Variants in SH3RF3 observed in about 807,000 individuals in gnomAD.
SH3RF3 encodes SH3 domain containing ring finger 3, also known as E3 ubiquitin-protein ligase SH3RF3.
A neutral mutation model predicts 66.3 loss-of-function variants in SH3RF3; 29 were observed. The ratio of observed to expected loss-of-function variants is 0.44; its 90% confidence interval spans 0.33 to 0.60. The LOEUF is 0.60. SH3RF3 is among the 20% of genes least tolerant of loss of function. The pLI, the probability that SH3RF3 is intolerant of heterozygous loss-of-function variation, is 0.04. For missense variants in SH3RF3, 1,194 were observed against 1,190.9 expected, an observed-to-expected ratio of 1.00 and a Z score of -0.04; for synonymous variants, 583 against 532.0, an observed-to-expected ratio of 1.10 and a Z score of -1.32.
chr2:109,151,091 A>G (rs950723231), intron 1 of SH3RF3, among the ~76,000 whole-genome samples: 6 of 152,224 alleles, frequency 3.9e-5, no homozygotes, highest in Non-Finnish European at 5.9e-5. Context: ...AGCCACACCA[A>G]TGTATTTGCC....
chr2:109,399,651 A>C (rs1008111379), intron 4 of SH3RF3, among the ~76,000 whole-genome samples: 14 of 152,340 alleles, frequency 9.2e-5, no homozygotes, highest in African/African-American at 3.1e-4. Flanking sequence ...ATGATTAAAA[A>C]AATTTTTAAA....
chr2:109,431,890 A>C (rs2104567318), intron 5 of SH3RF3, among the ~76,000 whole-genome samples: 1 of 152,168 alleles, frequency 6.6e-6, no homozygotes, highest in Non-Finnish European at 1.5e-5. Flanking sequence ...AAGGTCAAGT[A>C]ATTAACCATA....
chr2:109,181,393 G>A (rs150062864), intron 1 of SH3RF3, among the ~76,000 whole-genome samples: 7 of 152,258 alleles, frequency 4.6e-5, no homozygotes, highest in Non-Finnish European at 7.4e-5. Context: ...TGCCACTCAC[G>A]TCTTTTTTCT....
At chr2:109,367,934 T>C (rs1178680084) in intron 2 of SH3RF3, among the ~76,000 whole-genome samples, 2 of 152,230 alleles carry the variant, frequency 1.3e-5, no homozygotes, top group Non-Finnish European at 2.9e-5. Context: ...AAGTGCCTGT[T>C]CCATGCATAC....
Position 109,130,068 on chromosome 2 carries a change from C to T in SH3RF3, c.528C>T (p.Gly176=). 1 of 1,368,672 alleles carries T rather than the reference C, an allele frequency of 7.3e-7. No individual in the cohort carries two copies. The allele number at this position is 1,368,672 out of a possible 1,614,324, so 84.8% of individuals were successfully genotyped here. ...FLSAAAGSTA[G]SLRELATSRT... is the part of the protein sequence containing the mutation. ...CCGCGGCCGCGGGCAGCACCGCCGGCAGTCTGCGGGAGCTGGCGACCAGCA... is the reference window on the plus strand; with the variant it reads ...CCGCGGCCGCGGGCAGCACCGCCGGTAGTCTGCGGGAGCTGGCGACCAGCA... The change falls in exon 1 of 10, where the codon GGC becomes GGT. Residue 176 remains glycine (G), a synonymous_variant. Transcript: ENST00000309415.
intron 1 of SH3RF3, among the ~76,000 whole-genome samples, chr2:109,180,494 A>G (rs1225381215): frequency 2.0e-5 from 3 of 151,952 alleles, no homozygotes; most frequent in Non-Finnish European, 2.9e-5. Context: ...CCCCACCCAA[A>G]TCTCATCTTG....
At chr2:109,190,910 T>C (rs920454507) in intron 1 of SH3RF3, among the ~76,000 whole-genome samples, 15 of 151,594 alleles carry the variant, frequency 9.9e-5, no homozygotes, top group Non-Finnish European at 1.9e-4. Flanking sequence ...AAGAGTATTG[T>C]GATACTTTGC....
At chr2:109,346,732 A>G (rs1267745390) in intron 1 of SH3RF3, among the ~76,000 whole-genome samples, 1 of 152,182 alleles carries the variant, frequency 6.6e-6, no homozygotes, top group Admixed American at 6.5e-5. Context: ...GAAGCAGCTT[A>G]GAATCTTGTT....
intron 9 of SH3RF3, among the ~76,000 whole-genome samples, chr2:109,499,301 G>A (rs1235562781): frequency 6.6e-6 from 1 of 152,176 alleles, no homozygotes; most frequent in Admixed American, 6.5e-5. Context: ...GGCCCATCTC[G>A]GTGCTGCTCA....
At chr2:109,182,015 A>C (rs926103844) in intron 1 of SH3RF3, among the ~76,000 whole-genome samples, 1 of 152,124 alleles carries the variant, frequency 6.6e-6, no homozygotes, top group Non-Finnish European at 1.5e-5. Context: ...CTGATTTTGA[A>C]CTTCAAAAAA....
intron 1 of SH3RF3, among the ~76,000 whole-genome samples, chr2:109,240,028 A>G (rs1438701516): frequency 2.0e-5 from 3 of 152,266 alleles, no homozygotes; most frequent in African/African-American, 7.2e-5. Flanking sequence ...ACTTGTCTGT[A>G]GTGGTGGCCG....
chr2:109,312,798 C>T (rs184645065), intron 1 of SH3RF3, among the ~76,000 whole-genome samples: 11 of 152,316 alleles, frequency 7.2e-5, no homozygotes, highest in Admixed American at 1.3e-4. Context: ...CTGTTTCCAC[C>T]TTTTGGCTCT....
intron 1 of SH3RF3, among the ~76,000 whole-genome samples, chr2:109,212,127 C>G (rs1678999121): frequency 6.6e-6 from 1 of 152,166 alleles, no homozygotes; most frequent in South Asian, 2.1e-4. Context: ...GGCAATGGTC[C>G]GAATCGAGCC....
At chr2:109,240,321 A>G (rs1347769628) in intron 1 of SH3RF3, among the ~76,000 whole-genome samples, 2 of 152,146 alleles carry the variant, frequency 1.3e-5, no homozygotes, top group Admixed American at 1.3e-4. Context: ...CCTCATCTTT[A>G]CTAAAAATAC....
intron 5 of SH3RF3, among the ~76,000 whole-genome samples, chr2:109,430,960 C>T (rs1677193159): frequency 6.6e-6 from 1 of 152,188 alleles, no homozygotes; most frequent in African/African-American, 2.4e-5. Flanking sequence ...TGAATGAGGG[C>T]AGAGGGCCTT....
At chr2:109,430,390 C>T (rs181609191) in intron 5 of SH3RF3, among the ~76,000 whole-genome samples, 66 of 152,318 alleles carry the variant, frequency 4.3e-4, no homozygotes, top group African/African-American at 1.6e-3. Context: ...CCTCCCTGCA[C>T]TCTTCCTCTC....
At chr2:109,381,533 G>A (rs921518118) in intron 3 of SH3RF3, among the ~76,000 whole-genome samples, 5 of 151,956 alleles carry the variant, frequency 3.3e-5, no homozygotes, top group Admixed American at 1.3e-4. Context: ...TGGCCATCAC[G>A]GTGCCCTGAC....
intron 2 of SH3RF3, among the ~76,000 whole-genome samples, chr2:109,368,717 AAAAAAAG>A (rs1683198333): frequency 6.6e-6 from 1 of 150,810 alleles, no homozygotes; most frequent in African/African-American, 2.4e-5. Context: ...TTAAAAAAAA[AAAAAAAG>A]AAAAAGAAAA....
chr2:109,335,785 G>C (rs1045635564), intron 1 of SH3RF3, among the ~76,000 whole-genome samples: 9 of 152,176 alleles, frequency 5.9e-5, no homozygotes, highest in Non-Finnish European at 1.3e-4. Flanking sequence ...CTGCATAAAT[G>C]TCCTAAAACC....
Sources: allele counts gnomAD v4.1 joint callset (sites outside exome capture counted in the v4.1 genomes callset), GRCh38; gene constraint gnomAD v4.1.1; transcripts MANE v1.5; gene names NCBI Gene and HGNC (gene_info 2026-07-23, HGNC 2026-07-21).